CD83: variants seen among roughly 807,000 people sequenced by gnomAD.
CD83 encodes the protein CD83 antigen.
Under a neutral mutation model 24.6 loss-of-function variants are expected in CD83, and 22 were observed. The ratio of observed to expected loss-of-function variants is 0.90; its 90% CI spans 0.64 to 1.28. The LOEUF is 1.28. Among genes scored for constraint, CD83 ranks in the 50% most tolerant of loss-of-function variants. The pLI is 0.00. For synonymous variants in CD83, 101 were observed against 103.5 expected, an observed-to-expected ratio of 0.98 and a Z score of 0.14; for missense variants, 253 against 252.8, an observed-to-expected ratio of 1.00 and a Z score of -0.01.
At chr6:14,128,884 C>A in intron 2 of CD83, among the ~76,000 whole-genome samples, 1 of 152,216 alleles carries the variant, frequency 6.6e-6, no homozygotes, top group Non-Finnish European at 1.5e-5. Context: ...AAAATGAATT[C>A]TCTGCAAATA....
rs1465196446 is a variant in CD83, at chr6:14,129,698, C to T, written c.154-1822C>T. ...GGAGGGAGCTGAGCAGGTTTTCTTG[C>T]AGGAGCGATCAATCTGCCACCAGAT... is the stretch of plus-strand genomic sequence containing the variant. On this transcript the variant is annotated intron_variant, in intron 2 of 4. Coordinates refer to ENST00000379153, the MANE Select transcript of CD83 (RefSeq NM_004233.4). The surrounding 1 kb of genome is among the most constrained non-coding windows in gnomAD (Gnocchi z 4.3). Among the ~76,000 whole-genome samples, 1 of 152,162 alleles carries T rather than the reference C, an allele frequency of 6.6e-6. No homozygotes were observed. Among genetic ancestry groups the T allele is most frequent in the African/African-American group, 2.4e-5 (1 of 41,440 alleles).
chr6:14,131,399 A>G, intron 2 of CD83, 121 bp from the exon 3 acceptor site: 1 of 702,314 alleles, frequency 1.4e-6, no homozygotes, highest in South Asian at 1.9e-5. Context: ...ACACAAAAGC[A>G]TCACGTCTTG....
intron 2 of CD83, among the ~76,000 whole-genome samples, chr6:14,118,424 CCT>C: frequency 6.6e-6 from 1 of 152,178 alleles, no homozygotes; most frequent in South Asian, 2.1e-4. Flanking sequence ...GCAACAGGGA[CCT>C]AGATTTGGGC....
rs751028936 is a variant in CD83, at chr6:14,135,252, GTTC to G, written c.*23_*25del. ...ACTGGTATGAGCAGGATTTCTGCAGGTTCTTCTTCCTGAAGCTGAGGCTCAGGG... is the reference window on the plus strand; with the variant it reads ...ACTGGTATGAGCAGGATTTCTGCAGGTTCTTCCTGAAGCTGAGGCTCAGGG... On this transcript the variant is annotated 3_prime_UTR_variant, in exon 5 of 5. Coordinates refer to ENST00000379153, the MANE Select transcript of CD83 (RefSeq NM_004233.4). 8.1e-6 allele frequency: 13 copies of G among 1,612,238 alleles called. No individual in the cohort carries two copies. Among genetic ancestry groups the G allele is most frequent in the African/African-American group, 1.3e-5 (1 of 74,856 alleles).
At chr6:14,123,083 T>C (rs1192043212) in intron 2 of CD83, among the ~76,000 whole-genome samples, 2 of 151,674 alleles carry the variant, frequency 1.3e-5, no homozygotes, top group South Asian at 2.1e-4. Context: ...GGATTTTTTG[T>C]TTGTTTGTTT....
intron 2 of CD83, among the ~76,000 whole-genome samples, chr6:14,118,941 G>T (rs897470217): frequency 1.3e-5 from 2 of 152,176 alleles, no homozygotes; most frequent in African/African-American, 4.8e-5. Flanking sequence ...TCACTGATTT[G>T]CTGTCTTACC....
In CD83 at chr6:14,135,234, T is replaced by C. The variant is rs777553696; in HGVS notation, c.616T>C (p.Ter206ArgextTer27). The change falls in exon 5 of 5, where the codon TGA (stop) becomes CGA (arginine). Residue 206 changes from the stop codon to arginine, a stop_lost. Transcript: ENST00000379153. ...LVTPHKTELV[*>R] ...GACTCCTCACAAGACAGAACTGGTA[T>C]GAGCAGGATTTCTGCAGGTTCTTCT... 2 of 1,613,746 alleles carry C rather than the reference T, an allele frequency of 1.2e-6. No homozygotes were observed. Among genetic ancestry groups the C allele is most frequent in the Non-Finnish European group, 1.7e-6 (2 of 1,179,718 alleles).
Position 14,135,475 on chromosome 6 carries a change from T to G in CD83, c.*239T>G, listed in dbSNP as rs569986737. The G allele has an allele frequency of 4.3e-5, 21 of 483,150 alleles. No individual in the cohort carries two copies. The allele number at this position is 483,150 out of a possible 1,614,324, so 29.9% of individuals were successfully genotyped here. ...TTCTCCATGGCCACCTTTTCAGCGA[T>G]GTATGCAGCTATCTGGTCAACCTCC... On this transcript the variant is annotated 3_prime_UTR_variant, in exon 5 of 5. Coordinates refer to ENST00000379153, the MANE Select transcript of CD83 (RefSeq NM_004233.4).
chr6:14,127,247 C>T (rs1759839953), intron 2 of CD83, among the ~76,000 whole-genome samples: 1 of 152,156 alleles, frequency 6.6e-6, no homozygotes, highest in Non-Finnish European at 1.5e-5. Flanking sequence ...GCCTCAGCCT[C>T]CCAAAGTGCT....
In CD83 at chr6:14,124,272, G is replaced by A. The variant is rs545547892; in HGVS notation, c.153+6207G>A. 4.6e-5 allele frequency among the ~76,000 whole-genome samples: 7 copies of A among 152,308 alleles called. No individual in the cohort carries two copies. In the South Asian group the frequency reaches 1.2e-3, roughly 27 times the overall value. Reference sequence around the variant, plus strand: ...ATATCCCAAATTGGGACAATTTGGAGAAGTGTTCCAGTTCTTAGCTTCCAG... The same window carrying A: ...ATATCCCAAATTGGGACAATTTGGAAAAGTGTTCCAGTTCTTAGCTTCCAG... On this transcript the variant is annotated intron_variant, in intron 2 of 4. Transcript: ENST00000379153.
chr6:14,118,324 C>T (rs1759591348), intron 2 of CD83, among the ~76,000 whole-genome samples: 1 of 132,114 alleles, frequency 7.6e-6, no homozygotes, highest in Admixed American at 7.9e-5. Flanking sequence ...GATGAATGAT[C>T]CACTTAAGAT....
At chr6:14,123,390 C>G (rs969264857) in intron 2 of CD83, among the ~76,000 whole-genome samples, 1 of 152,164 alleles carries the variant, frequency 6.6e-6, no homozygotes, top group African/African-American at 2.4e-5. Context: ...TAAGCCACCA[C>G]GCCCGGCCTC....
intron 2 of CD83, among the ~76,000 whole-genome samples, chr6:14,126,187 T>C (rs1241924639): frequency 6.6e-6 from 1 of 152,184 alleles, no homozygotes; most frequent in Non-Finnish European, 1.5e-5. Context: ...ACTTTCTCAC[T>C]CTTTCTAAAA....
In CD83 at chr6:14,135,135, C is replaced by T. The variant is rs770903010; in HGVS notation, c.517C>T (p.Pro173Ser). ...GTTTGCACGGCTACAGAGTATCTTC[C>T]CAGATTTTTCTAAAGCTGGCATGGA... ...CKFARLQSIFPDFSKAGMERA... is the reference protein window; with the variant it reads ...CKFARLQSIFSDFSKAGMERA... The change falls in exon 5 of 5, where the codon CCA (proline) becomes TCA (serine). Residue 173 changes from proline (P) to serine (S), a missense_variant. Transcript: ENST00000379153. 6 of 1,613,996 alleles carry T rather than the reference C, an allele frequency of 3.7e-6. No homozygotes were observed. In the Admixed American group the frequency reaches 6.7e-5, roughly 18 times the overall value.
chr6:14,117,939 C>T lies in CD83; in HGVS notation c.38-11C>T. The T allele has an allele frequency of 6.2e-7, 1 of 1,605,154 alleles. No individual in the cohort carries two copies. The highest frequency in any genetic ancestry group is 8.5e-7 in the Non-Finnish European group (1 of 1,178,036). ...GTCGCTTGCTCACGACGCGCTCTCT[C>T]TTTCTTGTAGCCTACAGCCTGGCTC... is the stretch of plus-strand genomic sequence containing the variant. On this transcript the variant is annotated splice_polypyrimidine_tract_variant and intron_variant, in intron 1 of 4. Transcript: ENST00000379153. This position sits in a 1 kb window ranked among gnomAD's most constrained non-coding sequence, Gnocchi z 4.6.
At chr6:14,131,454 G>A in intron 2 of CD83, 66 bp from the exon 3 acceptor site, 1 of 1,177,674 alleles carries the variant, frequency 8.5e-7, no homozygotes, top group African/African-American at 1.5e-5. Flanking sequence ...AAACAAAATG[G>A]AAACATTGGT....
In CD83 at chr6:14,133,675, A is replaced by G. The variant is rs1481638827; in HGVS notation, c.409A>G (p.Thr137Ala). 7 of 1,613,356 alleles carry G rather than the reference A, an allele frequency of 4.3e-6. No individual in the cohort carries two copies. The highest frequency in any genetic ancestry group is 5.9e-6 in the Non-Finnish European group (7 of 1,179,532). Reference protein sequence around the residue: ...TGCPAQRKEETFKKYRAEIVL... With the variant: ...TGCPAQRKEEAFKKYRAEIVL... ...ATGCCCTGCACAGCGTAAAGAAGAG[A>G]CTTTTAAGAAATACAGAGCGGAGAT... Residue 137 changes from threonine to alanine, a missense_variant, in exon 4 of 5, where the codon ACT becomes GCT. Physicochemically the swap from Thr to Ala is moderately conservative, Grantham distance 58. Coordinates refer to ENST00000379153, the MANE Select transcript of CD83 (RefSeq NM_004233.4).
chr6:14,135,061 T>C (rs1354066075), intron 4 of CD83, 47 bp from the exon 5 acceptor site: 1 of 1,605,244 alleles, frequency 6.2e-7, no homozygotes, highest in Non-Finnish European at 8.5e-7. Context: ...TGACAACTGC[T>C]GAATTTTTCC....
rs1758049791 is a variant in CD83 at position 14,136,321 on chromosome 6, CAAAG to C, written c.*1088_*1091del. 6.6e-6 allele frequency: 1 copy of C among 152,150 alleles called. No individual in the cohort carries two copies. The highest frequency in any genetic ancestry group is 2.4e-5 in the African/African-American group (1 of 41,436). The allele number at this position is 152,150 out of a possible 1,614,324, so 9.4% of individuals were successfully genotyped here. ...TTCTCATGTTTTCCATTGTTTGAAACAAAGAAGGTTACCAAGAAGCCTTTCCTGT... is the reference window on the plus strand; with the variant it reads ...TTCTCATGTTTTCCATTGTTTGAAACAAGGTTACCAAGAAGCCTTTCCTGT... On this transcript the variant is annotated 3_prime_UTR_variant, in exon 5 of 5. Transcript: ENST00000379153.
Sources: allele counts gnomAD v4.1 joint callset (sites outside exome capture counted in the v4.1 genomes callset), GRCh38; gene constraint gnomAD v4.1.1; non-coding constraint Gnocchi (gnomAD v3.1); transcripts MANE v1.5; gene names NCBI Gene and HGNC (gene_info 2026-07-23, HGNC 2026-07-21).